Variants in CPE observed in about 807,000 individuals in gnomAD.
The protein encoded by CPE is carbocypeptidase E.
A neutral mutation model predicts 53.5 loss-of-function variants in CPE; 17 were observed. That is an observed-to-expected ratio of 0.32 (90% CI 0.22 to 0.48). CPE has a LOEUF of 0.48. CPE is among the 20% of genes least tolerant of loss of function. The pLI is 0.99. For missense variants in CPE, 524 were observed against 614.7 expected (o/e 0.85, Z 1.56); for synonymous variants, 226 against 228.8 (o/e 0.99, Z 0.11).
intron 1 of CPE, chr4:165,405,515 T>G: frequency 1.1e-6 from 1 of 949,738 alleles, no homozygotes; most frequent in Non-Finnish European, 1.7e-6. Context: ...TTCTTCCACT[T>G]TTTTGTAAAT....
chr4:165,396,418 G>A (rs1228305673), intron 1 of CPE, among the ~76,000 whole-genome samples: 5 of 152,160 alleles, frequency 3.3e-5, no homozygotes, highest in Non-Finnish European at 5.9e-5. Context: ...AGCACTTTAG[G>A]AGGCCAAGGC....
At chr4:165,394,849 A>G (rs1356904994) in intron 1 of CPE, among the ~76,000 whole-genome samples, 1 of 152,198 alleles carries the variant, frequency 6.6e-6, no homozygotes, top group African/African-American at 2.4e-5. Flanking sequence ...GTTTTATGAA[A>G]CATATTAAAA....
chr4:165,455,760 C>T (rs1731890894), intron 1 of CPE, among the ~76,000 whole-genome samples: 1 of 151,566 alleles, frequency 6.6e-6, no homozygotes, highest in Non-Finnish European at 1.5e-5. Flanking sequence ...TCAAGTGATT[C>T]TCCTGCCTCA....
intron 1 of CPE, among the ~76,000 whole-genome samples, chr4:165,410,724 C>G (rs542137328): frequency 2.0e-5 from 3 of 152,080 alleles, no homozygotes; most frequent in East Asian, 3.9e-4. Flanking sequence ...TAACTGAAAC[C>G]TGATATTAGA....
intron 1 of CPE, among the ~76,000 whole-genome samples, chr4:165,439,618 T>C (rs1366755072): frequency 1.3e-5 from 2 of 151,966 alleles, no homozygotes; most frequent in Non-Finnish European, 1.5e-5. Flanking sequence ...TTCAAACTTA[T>C]ATCTCAGTTC....
At chr4:165,495,522 C>T in intron 7 of CPE, 37 bp from the exon 8 acceptor site, 1 of 1,372,100 alleles carries the variant, frequency 7.3e-7, no homozygotes. Context: ...CTGCATATTT[C>T]ATGTGCTTTG....
intron 1 of CPE, among the ~76,000 whole-genome samples, chr4:165,441,992 A>G (rs945245276): frequency 6.7e-6 from 1 of 148,802 alleles, no homozygotes; most frequent in African/African-American, 2.5e-5. Context: ...TTTCCAGTTA[A>G]AGTTTCTTCC....
chr4:165,409,133 C>T (rs75376035), intron 1 of CPE, among the ~76,000 whole-genome samples: 5,134 of 152,124 alleles, frequency 0.034, 286 homozygotes, highest in African/African-American at 0.12. Flanking sequence ...GAATGGTTGA[C>T]GTGGGAAATG....
intron 1 of CPE, among the ~76,000 whole-genome samples, chr4:165,430,182 A>G (rs1579257920): frequency 6.6e-6 from 1 of 152,224 alleles, no homozygotes; most frequent in East Asian, 1.9e-4. Flanking sequence ...TTTAAAAAAT[A>G]TTGCTTGTAA....
At chr4:165,382,458 T>A (rs1370212408) in intron 1 of CPE, among the ~76,000 whole-genome samples, 1 of 152,198 alleles carries the variant, frequency 6.6e-6, no homozygotes, top group African/African-American at 2.4e-5. Flanking sequence ...AGAAATGTGT[T>A]TACTTGACTG....
intron 1 of CPE, among the ~76,000 whole-genome samples, chr4:165,442,445 C>T (rs1317474255): frequency 6.6e-6 from 1 of 152,120 alleles, no homozygotes; most frequent in Non-Finnish European, 1.5e-5. Flanking sequence ...TCAAACTTAT[C>T]TTCTTGAGAT....
At chr4:165,487,393 A>T in intron 5 of CPE, 45 bp from the exon 6 acceptor site, 1 of 1,609,906 alleles carries the variant, frequency 6.2e-7, no homozygotes, top group Non-Finnish European at 8.5e-7. Flanking sequence ...GTAGAGTTTT[A>T]GGCTCCTTGT....
At chr4:165,413,429 G>T (rs775481514) in intron 1 of CPE, among the ~76,000 whole-genome samples, 19 of 152,170 alleles carry the variant, frequency 1.2e-4, no homozygotes, top group African/African-American at 4.6e-4. Context: ...TAATTAATTA[G>T]CAGGCATGTT....
intron 1 of CPE, among the ~76,000 whole-genome samples, chr4:165,403,861 T>C (rs749618450): frequency 3.3e-5 from 5 of 152,094 alleles, no homozygotes; most frequent in African/African-American, 4.8e-5. Context: ...CACCTTCCAA[T>C]AGCGCAAACT....
At chr4:165,429,852 CT>C (rs34678370) in intron 1 of CPE, among the ~76,000 whole-genome samples, 44,834 of 151,878 alleles carry the variant, frequency 0.3, 6,683 homozygotes, top group Middle Eastern at 0.39. Context: ...TGTGCTTGTG[CT>C]TTTTGGGTTT....
In CPE at chr4:165,484,615, A is replaced by G. The variant is rs1427354193; in HGVS notation, c.973+11A>G. On this transcript the variant is annotated intron_variant, in intron 5 of 8. Coordinates refer to ENST00000402744, the MANE Select transcript of CPE (RefSeq NM_001873.4). Reference sequence around the variant, plus strand: ...ACAGCGTACCTGGAGGTGAGTTTCCATTGTGCTCTCTGATTATGTGATTGT... The same window carrying G: ...ACAGCGTACCTGGAGGTGAGTTTCCGTTGTGCTCTCTGATTATGTGATTGT... The G allele has an allele frequency of 2.5e-6, 4 of 1,611,916 alleles. No individual in the cohort carries two copies. Among genetic ancestry groups the G allele is most frequent in the Non-Finnish European group, 3.4e-6 (4 of 1,178,586 alleles).
intron 1 of CPE, among the ~76,000 whole-genome samples, chr4:165,449,310 T>C (rs1049963629): frequency 3.3e-5 from 5 of 152,254 alleles, no homozygotes; most frequent in Non-Finnish European, 7.3e-5. Context: ...ATTTGAATTC[T>C]GACATGTTTG....
chr4:165,446,194 A>G (rs1047899189), intron 1 of CPE, among the ~76,000 whole-genome samples: 1 of 152,206 alleles, frequency 6.6e-6, no homozygotes, highest in Non-Finnish European at 1.5e-5. Flanking sequence ...GGAAAAATCC[A>G]TAAGCCATTT....
chr4:165,408,028 T>G (rs1254783789), intron 1 of CPE, among the ~76,000 whole-genome samples: 1 of 152,114 alleles, frequency 6.6e-6, no homozygotes, highest in Non-Finnish European at 1.5e-5. Context: ...ATTGTTGAGT[T>G]GTAAGAGCTC....
Sources: gnomAD v4.1 joint callset for allele counts (sites outside exome capture counted in the v4.1 genomes callset) on GRCh38, gnomAD v4.1.1 for gene constraint, MANE v1.5 for transcripts, NCBI Gene and HGNC (gene_info 2026-07-23, HGNC 2026-07-21) for gene names.